The following EGFR variants were observed in gnomAD, a reference collection of about 807,000 sequenced individuals.
The protein encoded by EGFR is avian erythroblastic leukemia viral (v-erb-b) oncogene homolog.
A neutral mutation model predicts 143.0 loss-of-function variants in EGFR; 58 were observed. The ratio of observed to expected loss-of-function variants is 0.41; its 90% CI spans 0.33 to 0.50. EGFR has a LOEUF of 0.50. EGFR is among the 20% of genes least tolerant of loss of function. EGFR has a pLI of 0.39. For synonymous variants in EGFR, 613 were observed against 594.4 expected (o/e 1.03, Z -0.45); for missense variants, 1,307 against 1,579.0 (o/e 0.83, Z 2.92).
chr7:55,079,493 G>T (rs151023997), intron 1 of EGFR, among the ~76,000 whole-genome samples: 1 of 152,158 alleles, frequency 6.6e-6, no homozygotes, highest in Non-Finnish European at 1.5e-5. Context: ...TTCCTTCCAG[G>T]GCCAGGACTG....
chr7:55,060,798 G>A (rs1384280461), intron 1 of EGFR, among the ~76,000 whole-genome samples: 1 of 152,168 alleles, frequency 6.6e-6, no homozygotes, highest in Non-Finnish European at 1.5e-5. Flanking sequence ...GATACCGTGT[G>A]GCCTGAAGAG....
In EGFR at chr7:55,210,260, T is replaced by C. The variant is rs1333775199; in HGVS notation, c.*4643T>C. On this transcript the variant is annotated 3_prime_UTR_variant, in exon 28 of 28. Transcript: ENST00000275493. ...TTTATTTTTATATTTACAATTGATA[T>C]GCATTTACCAGTATAAACTAGACAT... The C allele has an allele frequency of 6.6e-6, 1 of 152,238 alleles. No individual in the cohort carries two copies. The highest frequency in any genetic ancestry group is 1.5e-5 in the Non-Finnish European group (1 of 68,042). 9.4% of individuals were successfully genotyped at this position (152,238 alleles called of 1,614,324 possible).
chr7:55,188,032 A>G (rs1787220496), intron 20 of EGFR, among the ~76,000 whole-genome samples: 2 of 152,132 alleles, frequency 1.3e-5, no homozygotes, highest in African/African-American at 4.8e-5. Context: ...GGGAAGGGTG[A>G]TGGTGGTCTT....
intron 5 of EGFR, among the ~76,000 whole-genome samples, 181 bp downstream of exon 5, chr7:55,151,543 T>TGGGCTATTTTGGGAGCTTC (rs1410389192): frequency 5.3e-5 from 8 of 152,130 alleles, no homozygotes; most frequent in Admixed American, 2.6e-4. Flanking sequence ...TAATCCAGGG[T>TGGGCTATTTTGGGAGCTTC]GGGCTATTTT....
chr7:55,072,227 A>C (rs187310000), intron 1 of EGFR, among the ~76,000 whole-genome samples: 1 of 152,374 alleles, frequency 6.6e-6, no homozygotes, highest in East Asian at 1.9e-4. Context: ...AGCTATTACT[A>C]GCAATTGTAC....
At chr7:55,106,637 T>A (rs1792148751) in intron 1 of EGFR, among the ~76,000 whole-genome samples, 1 of 152,200 alleles carries the variant, frequency 6.6e-6, no homozygotes, top group African/African-American at 2.4e-5. Flanking sequence ...TGTAGAGACT[T>A]AAAGTAAAAC....
At chr7:55,082,700 C>T (rs576790571) in intron 1 of EGFR, among the ~76,000 whole-genome samples, 1 of 152,336 alleles carries the variant, frequency 6.6e-6, no homozygotes, top group Admixed American at 6.5e-5. Flanking sequence ...CCTCCTGAGA[C>T]ATCTCGTGCA....
chr7:55,044,962 G>T (rs527576771), intron 1 of EGFR, among the ~76,000 whole-genome samples: 2 of 152,224 alleles, frequency 1.3e-5, no homozygotes, highest in South Asian at 4.1e-4. Context: ...GATTCTCTTG[G>T]CTCCGTGAAA....
chr7:55,110,986 A>G (rs1387196774), intron 1 of EGFR, among the ~76,000 whole-genome samples: 1 of 152,182 alleles, frequency 6.6e-6, no homozygotes, highest in Middle Eastern at 3.2e-3. Context: ...CAGACTTGCA[A>G]CTGCTTTTAT....
chr7:55,093,106 C>T (rs922091814), intron 1 of EGFR, among the ~76,000 whole-genome samples: 4 of 152,184 alleles, frequency 2.6e-5, no homozygotes, highest in Non-Finnish European at 5.9e-5. Context: ...AAAACTCAGC[C>T]TATGTTTGTC....
At chr7:55,064,353 G>A (rs938950122) in intron 1 of EGFR, among the ~76,000 whole-genome samples, 4 of 152,232 alleles carry the variant, frequency 2.6e-5, no homozygotes, top group Non-Finnish European at 4.4e-5. Flanking sequence ...AGTACTCATT[G>A]CAATTTCACT....
intron 4 of EGFR, among the ~76,000 whole-genome samples, chr7:55,149,463 A>G (rs772860540): frequency 3.9e-5 from 6 of 152,200 alleles, no homozygotes; most frequent in Non-Finnish European, 7.3e-5. Flanking sequence ...CAAAATAGAA[A>G]AAGAAAGCAT....
intron 1 of EGFR, among the ~76,000 whole-genome samples, chr7:55,086,434 T>C (rs1339367371): frequency 6.6e-6 from 1 of 152,274 alleles, no homozygotes; most frequent in African/African-American, 2.4e-5. Flanking sequence ...GGCTTTTCTG[T>C]GAGTCAATTC....
chr7:55,152,815 T>G (rs1234453395), intron 6 of EGFR, 151 bp downstream of exon 6: 1 of 655,302 alleles, frequency 1.5e-6, no homozygotes, highest in African/African-American at 1.8e-5. Context: ...ACAAAGTATC[T>G]TTAGTATCCT....
At chr7:55,043,471 G>T (rs1788013894) in intron 1 of EGFR, among the ~76,000 whole-genome samples, 1 of 152,166 alleles carries the variant, frequency 6.6e-6, no homozygotes, top group African/African-American at 2.4e-5. Context: ...CAATTCTTAT[G>T]CCTCAGCCTC....
intron 1 of EGFR, among the ~76,000 whole-genome samples, chr7:55,084,707 G>A (rs530890741): frequency 2.0e-5 from 3 of 152,254 alleles, no homozygotes; most frequent in Non-Finnish European, 4.4e-5. Context: ...TCAAGTGACG[G>A]ATGAAGGCAA....
chr7:55,060,861 G>A (rs77186386), intron 1 of EGFR, among the ~76,000 whole-genome samples: 188 of 152,280 alleles, frequency 1.2e-3, no homozygotes, highest in Non-Finnish European at 2.1e-3. Flanking sequence ...CCATGTGAGC[G>A]TCAAAAATCA....
At chr7:55,044,870 A>G (rs1401104211) in intron 1 of EGFR, among the ~76,000 whole-genome samples, 1 of 152,198 alleles carries the variant, frequency 6.6e-6, no homozygotes, top group African/African-American at 2.4e-5. Context: ...CAACTCTCTT[A>G]TTTAACGAGG....
chr7:55,129,612 A>G (rs1464606896), intron 1 of EGFR, among the ~76,000 whole-genome samples: 3 of 152,154 alleles, frequency 2.0e-5, no homozygotes, highest in African/African-American at 7.2e-5. Context: ...ATCTAGAAGT[A>G]AATTGTGCCC....
Sources: allele counts gnomAD v4.1 joint callset (sites outside exome capture counted in the v4.1 genomes callset), GRCh38; gene constraint gnomAD v4.1.1; transcripts MANE v1.5; gene names NCBI Gene and HGNC (gene_info 2026-07-23, HGNC 2026-07-21).